The following CCSER1 variants were observed in gnomAD, a reference collection of about 807,000 sequenced individuals.
CCSER1 encodes serine-rich coiled-coil domain-containing protein 1.
In CCSER1, 41 loss-of-function variants were observed where a neutral mutation model predicts 82.0. The observed-to-expected ratio is 0.50, with a 90% confidence interval of 0.39 to 0.65. The LOEUF is 0.65. Ranked by LOEUF, CCSER1 falls within the 30% of genes least tolerant of loss-of-function variation. CCSER1 has a pLI of 0.00. For synonymous variants in CCSER1, 414 were observed against 383.9 expected, an observed-to-expected ratio of 1.08 and a Z score of -0.92; for missense variants, 1,119 against 1,064.2, an observed-to-expected ratio of 1.05 and a Z score of -0.72.
At chr4:90,674,556 A>G (rs1021039624) in intron 6 of CCSER1, among the ~76,000 whole-genome samples, 16 of 151,928 alleles carry the variant, frequency 1.1e-4, no homozygotes, top group African/African-American at 3.1e-4. Context: ...GTGACTCCTG[A>G]CGGCATTGTT....
intron 6 of CCSER1, among the ~76,000 whole-genome samples, chr4:90,665,475 C>A: frequency 6.6e-6 from 1 of 152,040 alleles, no homozygotes; most frequent in Non-Finnish European, 1.5e-5. Context: ...GCACCCGCCA[C>A]CTCGCCCGGC....
rs143045884 is a variant in CCSER1 at position 90,532,820 on chromosome 4, G to A, written c.1724+64466G>A. On this transcript the variant is annotated intron_variant, in intron 5 of 10. Transcript: ENST00000509176. ...CCGTCCCACTATGTACAAATAGATC[G>A]ACTTGTACTTTGAGTAGCTTCCTCC... Among the ~76,000 whole-genome samples, 150 of 152,102 alleles carry A rather than the reference G, an allele frequency of 9.9e-4. 1 individual carries two copies. Among genetic ancestry groups the A allele is most frequent in the African/African-American group, 3.4e-3 (140 of 41,506 alleles).
At chr4:90,915,987 T>A (rs1259493217) in intron 8 of CCSER1, among the ~76,000 whole-genome samples, 2 of 151,762 alleles carry the variant, frequency 1.3e-5, no homozygotes, top group African/African-American at 4.8e-5. Flanking sequence ...AAGGAGAACT[T>A]CAAACCACTG....
intron 9 of CCSER1, among the ~76,000 whole-genome samples, chr4:90,932,828 CAAAAAA>C (rs70965459): frequency 7.9e-5 from 2 of 25,178 alleles, no homozygotes; most frequent in African/African-American, 1.9e-4. Context: ...ACTCCGTCTC[CAAAAAA>C]AAAAAAAAAA....
intron 5 of CCSER1, among the ~76,000 whole-genome samples, chr4:90,496,971 C>CAAAAAAAAAAAAAAA (rs771281710): frequency 3.6e-5 from 2 of 55,224 alleles, no homozygotes; most frequent in African/African-American, 1.1e-4. Context: ...AGCGAGACTA[C>CAAAAAAAAAAAAAAA]AAAAAAAAAA....
intron 8 of CCSER1, among the ~76,000 whole-genome samples, chr4:90,841,661 A>G (rs1378404578): frequency 2.0e-5 from 3 of 150,600 alleles, no homozygotes; most frequent in African/African-American, 7.3e-5. Context: ...AACATTTTCT[A>G]TTAGAACTGT....
intron 9 of CCSER1, among the ~76,000 whole-genome samples, chr4:90,966,513 A>G (rs768535881): frequency 6.6e-6 from 1 of 152,100 alleles, no homozygotes; most frequent in Non-Finnish European, 1.5e-5. Context: ...TCAAAAATGA[A>G]AGAGAAATTG....
Position 91,488,217 on chromosome 4 carries a change from T to C in CCSER1, c.2218-110355T>C, listed in dbSNP as rs570121582. Among the ~76,000 whole-genome samples the C allele has an allele frequency of 7.9e-5, 12 of 152,350 alleles. 1 individual carries two copies. The South Asian group carries it at 2.5e-3, about 32-fold the overall frequency. On this transcript the variant is annotated intron_variant, in intron 10 of 10. Coordinates refer to ENST00000509176, the MANE Select transcript of CCSER1 (RefSeq NM_001145065.2). ...AAGAGTTAAATGGACATTTGCCTAT[T>C]ATCAAATAAAATTGTTTGTATTTTC...
At chr4:91,391,596 C>G (rs986467744) in intron 10 of CCSER1, among the ~76,000 whole-genome samples, 2 of 152,186 alleles carry the variant, frequency 1.3e-5, no homozygotes, top group Non-Finnish European at 2.9e-5. Flanking sequence ...CCACCATGCT[C>G]AGCCTCATCC....
At chr4:91,354,342 T>G (rs1285271911) in intron 10 of CCSER1, among the ~76,000 whole-genome samples, 1 of 152,250 alleles carries the variant, frequency 6.6e-6, no homozygotes, top group Non-Finnish European at 1.5e-5. Flanking sequence ...TTATCGGCAG[T>G]AAGAAGAAAG....
At chr4:90,403,028 T>G (rs1308014096) in intron 4 of CCSER1, among the ~76,000 whole-genome samples, 1 of 152,220 alleles carries the variant, frequency 6.6e-6, no homozygotes, top group Non-Finnish European at 1.5e-5. Context: ...AGAGTGACTT[T>G]GGATTGTTTA....
At chr4:91,507,069 T>C (rs1759534214) in intron 10 of CCSER1, among the ~76,000 whole-genome samples, 1 of 152,242 alleles carries the variant, frequency 6.6e-6, no homozygotes, top group South Asian at 2.1e-4. Flanking sequence ...CTTTTTACTA[T>C]TATGAACGAA....
At chr4:91,531,049 G>A (rs940000162) in intron 10 of CCSER1, among the ~76,000 whole-genome samples, 2 of 152,028 alleles carry the variant, frequency 1.3e-5, no homozygotes, top group African/African-American at 2.4e-5. Flanking sequence ...TATTGAAGAT[G>A]TACTAGGTAC....
intron 10 of CCSER1, among the ~76,000 whole-genome samples, chr4:91,242,932 T>C (rs1373758269): frequency 6.6e-6 from 1 of 152,174 alleles, no homozygotes; most frequent in Non-Finnish European, 1.5e-5. Context: ...AGAGAAGCTC[T>C]ACCACAAGAA....
intron 10 of CCSER1, among the ~76,000 whole-genome samples, chr4:91,353,059 C>G (rs1748582169): frequency 6.6e-6 from 1 of 152,102 alleles, no homozygotes; most frequent in Non-Finnish European, 1.5e-5. Context: ...ATGTGAAAAC[C>G]TGGGGGAACT....
At chr4:90,788,874 G>A (rs1754872014) in intron 7 of CCSER1, among the ~76,000 whole-genome samples, 1 of 152,078 alleles carries the variant, frequency 6.6e-6, no homozygotes. Context: ...GCCTAGTTAT[G>A]TACTGAATCT....
At chr4:91,487,159 G>T (rs1222526977) in intron 10 of CCSER1, among the ~76,000 whole-genome samples, 1 of 152,090 alleles carries the variant, frequency 6.6e-6, no homozygotes, top group East Asian at 1.9e-4. Flanking sequence ...CATAGAAAAA[G>T]TAGGATTTGT....
intron 9 of CCSER1, among the ~76,000 whole-genome samples, chr4:90,933,957 A>G (rs1327333394): frequency 6.6e-6 from 1 of 151,796 alleles, no homozygotes; most frequent in Non-Finnish European, 1.5e-5. Flanking sequence ...ACAATGGCAC[A>G]TATCCTTTAG....
intron 7 of CCSER1, among the ~76,000 whole-genome samples, chr4:90,767,751 T>C (rs1040821947): frequency 2.6e-5 from 4 of 152,094 alleles, no homozygotes; most frequent in Non-Finnish European, 5.9e-5. Context: ...CTCAGTTTGC[T>C]CCATCTCCAG....
Sources: allele counts gnomAD v4.1 joint callset (sites outside exome capture counted in the v4.1 genomes callset), GRCh38; gene constraint gnomAD v4.1.1; transcripts MANE v1.5; gene names NCBI Gene and HGNC (gene_info 2026-07-23, HGNC 2026-07-21).